The following OPCML variants were observed in gnomAD, a reference collection of about 807,000 sequenced individuals.
The protein encoded by OPCML is opioid-binding protein/cell adhesion molecule.
A neutral mutation model predicts 37.8 loss-of-function variants in OPCML; 13 were observed. The observed-to-expected ratio is 0.34, with a 90% CI of 0.22 to 0.55. The LOEUF (loss-of-function observed/expected upper bound fraction) is 0.55, where lower values mean the gene tolerates loss of function less well. OPCML is among the 20% of genes least tolerant of loss of function. The pLI is 0.91. For missense variants in OPCML, 341 were observed against 435.6 expected, an observed-to-expected ratio of 0.78 and a Z score of 1.93; for synonymous variants, 176 against 168.8, an observed-to-expected ratio of 1.04 and a Z score of -0.33.
intron 1 of OPCML, among the ~76,000 whole-genome samples, chr11:133,032,183 A>G (rs1449996272): frequency 1.3e-5 from 2 of 152,110 alleles, no homozygotes; most frequent in Admixed American, 6.5e-5. Context: ...CCTTCTCTAG[A>G]CAGAACAGAG....
At chr11:133,196,516 A>C (rs1938541491) in intron 1 of OPCML, among the ~76,000 whole-genome samples, 1 of 152,214 alleles carries the variant, frequency 6.6e-6, no homozygotes, top group Non-Finnish European at 1.5e-5. Context: ...AGACTGCTTG[A>C]TACCAGAGGG....
At chr11:132,915,250 T>A (rs990645150) in intron 2 of OPCML, among the ~76,000 whole-genome samples, 1 of 152,202 alleles carries the variant, frequency 6.6e-6, no homozygotes, top group African/African-American at 2.4e-5. Context: ...TGTATACACA[T>A]CTATCTGGGT....
intron 1 of OPCML, among the ~76,000 whole-genome samples, chr11:133,133,843 A>C (rs1592033089): frequency 6.6e-6 from 1 of 152,134 alleles, no homozygotes; most frequent in South Asian, 2.1e-4. Flanking sequence ...GAACTCATTC[A>C]TTCGGGGGGG....
chr11:133,367,337 C>T (rs1432118294), intron 1 of OPCML, among the ~76,000 whole-genome samples: 1 of 152,164 alleles, frequency 6.6e-6, no homozygotes, highest in Non-Finnish European at 1.5e-5. Context: ...ACTCTTCCCC[C>T]TGCTCCAACC....
chr11:132,936,788 T>G (rs1283511240), intron 2 of OPCML, among the ~76,000 whole-genome samples: 1 of 152,120 alleles, frequency 6.6e-6, no homozygotes, highest in Admixed American at 6.5e-5. Context: ...AACAAGGGCC[T>G]GAGAACGGAT....
intron 1 of OPCML, among the ~76,000 whole-genome samples, chr11:133,528,830 C>T (rs1948544043): frequency 6.6e-6 from 1 of 152,178 alleles, no homozygotes; most frequent in African/African-American, 2.4e-5. Context: ...AACTCCCCTG[C>T]TTAGAGTCAC....
intron 2 of OPCML, among the ~76,000 whole-genome samples, chr11:132,756,742 G>C (rs73601340): frequency 0.031 from 4,696 of 152,166 alleles, 102 homozygotes; most frequent in African/African-American, 0.07. Flanking sequence ...ATAGAATGCC[G>C]TACTAAGAAC....
Position 133,422,383 on chromosome 11 carries a change from ATATATATATATG to A in OPCML, c.61+109869_61+109880del, listed in dbSNP as rs1282587780. ...TTCTCTCAGACCAAAGACATTATAT[ATATATATATATG>A]TATATATGCGCCAGTTCAAACCCTT... is the stretch of plus-strand genomic sequence containing the variant. On this transcript the variant is annotated intron_variant, in intron 1 of 7. Transcript: ENST00000524381. 102 of 936,918 alleles carry A rather than the reference ATATATATATATG, an allele frequency of 1.1e-4. 16 individuals are homozygous for A. The African/African-American group carries it at 1.8e-3, about 16-fold the overall frequency. 58.0% of individuals were successfully genotyped at this position (936,918 alleles called of 1,614,324 possible).
intron 1 of OPCML, among the ~76,000 whole-genome samples, chr11:133,082,227 C>A (rs114717350): frequency 6.6e-6 from 1 of 151,584 alleles, no homozygotes; most frequent in Admixed American, 6.6e-5. Flanking sequence ...GACCCGGGGT[C>A]CTGGGCCACT....
intron 1 of OPCML, among the ~76,000 whole-genome samples, chr11:133,091,380 A>G (rs923314551): frequency 6.6e-6 from 1 of 152,184 alleles, no homozygotes; most frequent in Non-Finnish European, 1.5e-5. Flanking sequence ...AGTCTCCCCC[A>G]TACCACAGAA....
intron 1 of OPCML, among the ~76,000 whole-genome samples, chr11:133,190,037 A>G (rs1417597820): frequency 1.3e-5 from 2 of 152,204 alleles, no homozygotes; most frequent in African/African-American, 4.8e-5. Flanking sequence ...TACCACTTCC[A>G]TATAGTTCCC....
At position 133,381,193 on chromosome 11, in the gene OPCML, C is replaced by T. The variant is rs552573122; in HGVS notation, c.61+151071G>A. 4.6e-5 allele frequency among the ~76,000 whole-genome samples: 7 copies of T among 152,216 alleles called. No individual in the cohort carries two copies. In the East Asian group the frequency reaches 1.2e-3, roughly 25 times the overall value. On this transcript the variant is annotated intron_variant, in intron 1 of 7. Coordinates refer to ENST00000524381, the MANE Select transcript of OPCML (RefSeq NM_001012393.5). ...CCTTAGTTGGATAAGGAGGTAGGCACTGGAAGACTTTGCAGTGATGCAAAA... is the reference window on the plus strand; with the variant it reads ...CCTTAGTTGGATAAGGAGGTAGGCATTGGAAGACTTTGCAGTGATGCAAAA...
chr11:132,737,667 G>C (rs868098543), intron 2 of OPCML, among the ~76,000 whole-genome samples: 1 of 151,954 alleles, frequency 6.6e-6, no homozygotes, highest in Non-Finnish European at 1.5e-5. Context: ...GCTGTGTAGA[G>C]AGCTTCCTTC....
At chr11:133,409,889 G>A (rs1457849793) in intron 1 of OPCML, among the ~76,000 whole-genome samples, 3 of 152,070 alleles carry the variant, frequency 2.0e-5, no homozygotes, top group Admixed American at 6.6e-5. Context: ...ATTGTGTGAT[G>A]CAGTCTCTTC....
intron 1 of OPCML, among the ~76,000 whole-genome samples, chr11:133,258,386 C>G (rs781332130): frequency 7.9e-5 from 12 of 152,126 alleles, no homozygotes; most frequent in Non-Finnish European, 1.5e-4. Flanking sequence ...ATCTTCAACT[C>G]TTTGAGAATG....
At chr11:133,527,184 G>A (rs1055337169) in intron 1 of OPCML, among the ~76,000 whole-genome samples, 1 of 152,256 alleles carries the variant, frequency 6.6e-6, no homozygotes. Context: ...GGCTCCTGGA[G>A]TTCCAGCTGT....
chr11:132,681,366 G>A (rs1942934341), intron 2 of OPCML, among the ~76,000 whole-genome samples: 1 of 152,132 alleles, frequency 6.6e-6, no homozygotes, highest in Admixed American at 6.5e-5. Context: ...AGCAGAGAAG[G>A]GGAGAAGAGG....
At chr11:132,470,411 A>G (rs1261743644) in intron 4 of OPCML, among the ~76,000 whole-genome samples, 4 of 152,198 alleles carry the variant, frequency 2.6e-5, no homozygotes, top group African/African-American at 4.8e-5. Flanking sequence ...TAGCCGTGTC[A>G]GTCACTGAGA....
At chr11:132,541,617 T>C (rs780374200) in intron 3 of OPCML, among the ~76,000 whole-genome samples, 44 of 152,054 alleles carry the variant, frequency 2.9e-4, no homozygotes, top group Non-Finnish European at 5.3e-4. Flanking sequence ...TTTCATCTTA[T>C]GGAAACCCTA....
Sources: allele counts gnomAD v4.1 joint callset (sites outside exome capture counted in the v4.1 genomes callset), GRCh38; gene constraint gnomAD v4.1.1; transcripts MANE v1.5; gene names NCBI Gene and HGNC (gene_info 2026-07-23, HGNC 2026-07-21).